ADGRG6: variants seen among roughly 807,000 people sequenced by gnomAD.
ADGRG6 encodes adhesion G protein-coupled receptor G6, also known as G-protein coupled receptor 126.
Under a neutral mutation model 142.4 loss-of-function variants are expected in ADGRG6, and 84 were observed. The ratio of observed to expected loss-of-function variants is 0.59; its 90% CI spans 0.49 to 0.71. The LOEUF is 0.71. ADGRG6 is among the 30% of genes least tolerant of loss of function. ADGRG6 has a pLI of 0.00. For synonymous variants in ADGRG6, 521 were observed against 520.5 expected (o/e 1.00, Z -0.01); for missense variants, 1,367 against 1,466.6 (o/e 0.93, Z 1.11).
chr6:142,437,778 T>C (rs1289103176), intron 23 of ADGRG6, among the ~76,000 whole-genome samples: 1 of 151,952 alleles, frequency 6.6e-6, no homozygotes, highest in African/African-American at 2.4e-5. Flanking sequence ...TTGCCTGAGG[T>C]TTGATGTCTA....
rs368117950 is a variant in ADGRG6, at chr6:142,397,694, A to G, written c.1506A>G (p.Leu502=). Residue 502 remains leucine (L), a synonymous_variant, in exon 10 of 25, where the codon CTA becomes CTG. Coordinates refer to ENST00000367609, the MANE Select transcript of ADGRG6 (RefSeq NM_198569.3). ...GAAAAATCATTCAGCAGAAGCTCCT[A>G]AAAAATAATGAGTCCTTGGATGAAG... ...LEGKIIQQKL[L]KNNESLDEGL... 82 of 1,608,458 alleles carry G rather than the reference A, an allele frequency of 5.1e-5. No individual in the cohort carries two copies. In the African/African-American group the frequency reaches 9.9e-4, roughly 19 times the overall value.
intron 18 of ADGRG6, among the ~76,000 whole-genome samples, chr6:142,414,488 A>G (rs992270449): frequency 6.6e-6 from 1 of 152,200 alleles, no homozygotes; most frequent in African/African-American, 2.4e-5. Flanking sequence ...AGAGCCTGGC[A>G]GTCACAGCAC....
intron 8 of ADGRG6, among the ~76,000 whole-genome samples, chr6:142,393,595 C>A (rs1026319266): frequency 2.0e-5 from 3 of 152,116 alleles, no homozygotes; most frequent in Non-Finnish European, 4.4e-5. Flanking sequence ...TTTAATAACA[C>A]AGAACAGGTG....
chr6:142,398,661 T>G (rs551623784), intron 10 of ADGRG6, among the ~76,000 whole-genome samples: 18 of 152,228 alleles, frequency 1.2e-4, no homozygotes, highest in Admixed American at 1.1e-3. Flanking sequence ...CACACTGTTC[T>G]TCTCCACTCC....
At chr6:142,328,821 C>T (rs1469030419) in intron 2 of ADGRG6, among the ~76,000 whole-genome samples, 1 of 152,132 alleles carries the variant, frequency 6.6e-6, no homozygotes, top group African/African-American at 2.4e-5. Flanking sequence ...TCGATGTTAG[C>T]TAAAATTGGA....
intron 2 of ADGRG6, among the ~76,000 whole-genome samples, chr6:142,341,621 TATATATA>T (rs1186724696): frequency 3.9e-5 from 5 of 128,774 alleles, no homozygotes; most frequent in Admixed American, 2.7e-4. Context: ...TAATATGTAG[TATATATA>T]ATATATAATA....
chr6:142,311,859 C>G (rs1777784390), intron 2 of ADGRG6, among the ~76,000 whole-genome samples: 1 of 151,940 alleles, frequency 6.6e-6, no homozygotes, highest in Non-Finnish European at 1.5e-5. Context: ...GTTCCTATCT[C>G]CTATCCTCAA....
intron 5 of ADGRG6, among the ~76,000 whole-genome samples, chr6:142,382,652 T>G (rs1781825527): frequency 6.6e-6 from 1 of 152,182 alleles, no homozygotes. Context: ...ATATTTTGCT[T>G]TATTTTATCA....
intron 2 of ADGRG6, among the ~76,000 whole-genome samples, chr6:142,326,215 G>T (rs1047227439): frequency 2.0e-5 from 3 of 150,824 alleles, no homozygotes; most frequent in Non-Finnish European, 3.0e-5. Context: ...CTTTAAACAC[G>T]TTGTTTCTGG....
chr6:142,425,939 G>A (rs1582675478), intron 22 of ADGRG6, among the ~76,000 whole-genome samples: 1 of 152,100 alleles, frequency 6.6e-6, no homozygotes, highest in Admixed American at 6.6e-5. Context: ...TTACTATCAC[G>A]ATAACAGCCC....
chr6:142,405,901 A>G (rs970797325), intron 15 of ADGRG6, 73 bp downstream of exon 15: 1 of 1,121,470 alleles, frequency 8.9e-7, no homozygotes, highest in African/African-American at 1.6e-5. Context: ...ACAAAACTTT[A>G]GATTCTGTTG....
chr6:142,392,927 C>T (rs1774975784), intron 7 of ADGRG6, 21 bp from the exon 8 acceptor site: 2 of 1,568,102 alleles, frequency 1.3e-6, no homozygotes, highest in Admixed American at 1.7e-5. Flanking sequence ...AAAACTCAGC[C>T]TTTTCCATTG....
intron 24 of ADGRG6, chr6:142,440,937 A>G (rs1777729797): frequency 6.7e-7 from 1 of 1,498,714 alleles, no homozygotes; most frequent in Non-Finnish European, 9.0e-7. Context: ...TTCCTTCAAC[A>G]AAAGTGGATC....
In ADGRG6 at chr6:142,445,600, C is replaced by T. The variant is rs986389352; in HGVS notation, c.*2085C>T. 9 of 152,082 alleles carry T rather than the reference C, an allele frequency of 5.9e-5. No individual in the cohort carries two copies. The highest frequency in any genetic ancestry group is 1.3e-4 in the Non-Finnish European group (9 of 68,002). The allele number at this position is 152,082 out of a possible 1,614,324, so 9.4% of individuals were successfully genotyped here. ...TTTTCATATTTGACAATGTCAGCTC[C>T]ACTTTAGAAATTTTCAATAACCAGA... On this transcript the variant is annotated 3_prime_UTR_variant, in exon 25 of 25. Coordinates refer to ENST00000367609, the MANE Select transcript of ADGRG6 (RefSeq NM_198569.3).
chr6:142,419,781 T>C, intron 21 of ADGRG6, 40 bp from the exon 22 acceptor site: 2 of 1,488,324 alleles, frequency 1.3e-6, no homozygotes, highest in South Asian at 2.5e-5. Context: ...CAGGACATGG[T>C]AATAAATCTT....
At chr6:142,411,878 T>G (rs988115017) in intron 18 of ADGRG6, among the ~76,000 whole-genome samples, 5 of 152,162 alleles carry the variant, frequency 3.3e-5, no homozygotes, top group African/African-American at 1.2e-4. Context: ...TACCTGGTAC[T>G]GCACCGAGTG....
In ADGRG6 at chr6:142,414,978, A is replaced by G. The variant is rs1189264006; in HGVS notation, c.2551A>G (p.Arg851Gly). 1.9e-6 allele frequency: 3 copies of G among 1,611,162 alleles called. No individual in the cohort carries two copies. The highest frequency in any genetic ancestry group is 4.5e-5 in the East Asian group (2 of 44,712). ...GCCATGTTTTATGTAGGACCTTCCA[A>G]GAAGTGCCTCACAGTTAGATGCAAG... is the stretch of plus-strand genomic sequence containing the variant. ...THFGVLMDLPRSASQLDARNT... is the reference protein window; with the variant it reads ...THFGVLMDLPGSASQLDARNT... The change falls in exon 19 of 25, where the codon AGA becomes GGA. Residue 851 changes from arginine (R) to glycine (G), a missense_variant. Arg to Gly is a moderately radical substitution (Grantham distance 125). Around this residue, in one of 3 missense-constraint regions of ADGRG6, gnomAD observed 286 missense variants for 371.4 expected, o/e 0.77. Transcript: ENST00000367609.
chr6:142,388,639 T>C (rs1277112912), intron 6 of ADGRG6, among the ~76,000 whole-genome samples: 2 of 152,216 alleles, frequency 1.3e-5, no homozygotes, highest in African/African-American at 2.4e-5. Flanking sequence ...CAAAATCATC[T>C]AACACAGAGT....
At chr6:142,392,883 A>G in intron 7 of ADGRG6, 65 bp from the exon 8 acceptor site, 1 of 1,062,450 alleles carries the variant, frequency 9.4e-7, no homozygotes, top group South Asian at 1.3e-5. Flanking sequence ...TTTTAGGTAG[A>G]AACTTGAATT....
Sources: allele counts gnomAD v4.1 joint callset (sites outside exome capture counted in the v4.1 genomes callset), GRCh38; gene constraint gnomAD v4.1.1; regional missense constraint gnomAD v4.1.1; transcripts MANE v1.5; gene names NCBI Gene and HGNC (gene_info 2026-07-23, HGNC 2026-07-21).